The following IGSF10 variants were observed in gnomAD, a reference collection of about 807,000 sequenced individuals.
IGSF10 encodes the protein immunoglobulin superfamily member 10, also known as calvaria mechanical force protein 608.
IGSF10 carries 126 observed loss-of-function variants against 128.2 expected under a neutral mutation model. That is an observed-to-expected ratio of 0.98 (90% CI 0.85 to 1.14). The LOEUF (loss-of-function observed/expected upper bound fraction) is 1.14, where lower values mean the gene tolerates loss of function less well. Ranked by LOEUF, IGSF10 falls within the 50% of genes most tolerant of loss-of-function variation. The pLI is 0.00. For missense variants in IGSF10, 3,295 were observed against 3,149.8 expected (o/e 1.05, Z -1.10); for synonymous variants, 1,185 against 1,146.2 (o/e 1.03, Z -0.68).
the IGSF10 span, among the ~76,000 whole-genome samples, chr3:151,528,850 C>T: frequency 1.4e-3 from 216 of 149,450 alleles, no homozygotes; most frequent in Non-Finnish European, 2.8e-3. Context: ...GCTAGTGAGA[C>T]AGAACTGTTC....
the IGSF10 span, among the ~76,000 whole-genome samples, chr3:151,600,272 A>G: frequency 6.6e-6 from 1 of 152,168 alleles, no homozygotes; most frequent in Non-Finnish European, 1.5e-5. Flanking sequence ...TTTGAAAAAA[A>G]TCTCAACAGT....
At chr3:151,505,666 G>A in the IGSF10 span, among the ~76,000 whole-genome samples, 6 of 152,156 alleles carry the variant, frequency 3.9e-5, no homozygotes, top group East Asian at 1.2e-3. Flanking sequence ...CATTGCAAAT[G>A]AACAACACTG....
chr3:151,598,070 G>GGGGT, the IGSF10 span, among the ~76,000 whole-genome samples: 1 of 137,686 alleles, frequency 7.3e-6, no homozygotes, highest in Non-Finnish European at 1.6e-5. Context: ...AATGAGTACT[G>GGGGT]GTGTGTGTGT....
the IGSF10 span, among the ~76,000 whole-genome samples, chr3:151,468,199 G>A: frequency 1.3e-5 from 2 of 152,224 alleles, no homozygotes; most frequent in Admixed American, 6.5e-5. Flanking sequence ...GGAAGTTACA[G>A]ATATGACTGA....
the IGSF10 span, among the ~76,000 whole-genome samples, chr3:151,610,513 T>C: frequency 6.6e-6 from 1 of 152,210 alleles, no homozygotes; most frequent in East Asian, 1.9e-4. Context: ...GATTCTTTTT[T>C]AATGATCATT....
chr3:151,460,733 GTT>G (rs201403882), intron 1 of IGSF10, among the ~76,000 whole-genome samples: 4 of 142,856 alleles, frequency 2.8e-5, no homozygotes, highest in African/African-American at 2.5e-5. Context: ...CTCAGTGTGT[GTT>G]TTTTTTTTTT....
chr3:151,447,346 A>C lies in IGSF10; in HGVS notation c.2635T>G (p.Ser879Ala). ...TTGGTTGTGCCTTGTATTTGGCTTG[A>C]CATGGTTGGGTTTATATTCTTTGAC... ...AMSKNINPTM[S>A]SQIQGTTNQH... The change falls in exon 6 of 8, where the codon TCA (serine) becomes GCA (alanine). Residue 879 changes from serine to alanine, a missense_variant. Physicochemically the swap from Ser to Ala is moderately conservative, Grantham distance 99 (BLOSUM62 1). Transcript: ENST00000282466. The C allele has an allele frequency of 6.2e-7, 1 of 1,614,204 alleles. No homozygotes were observed.
chr3:151,448,150 C>T lies in IGSF10; in HGVS notation c.1831G>A (p.Gly611Arg). The T allele has an allele frequency of 6.2e-7, 1 of 1,614,124 alleles. No individual in the cohort carries two copies. The highest frequency in any genetic ancestry group is 1.1e-5 in the South Asian group (1 of 91,066). The change falls in exon 6 of 8, where the codon GGA becomes AGA. Residue 611 changes from glycine (G) to arginine (R), a missense_variant. Coordinates refer to ENST00000282466, the MANE Select transcript of IGSF10 (RefSeq NM_178822.5). ...GATGACTGATAGAGCACATTGTTTC[C>T]TGGAATAACCCAGCTAATAGAGGCA... is the stretch of plus-strand genomic sequence containing the variant. The part of the protein sequence containing the change: ...PDASISWVIP[G>R]NNVLYQSSRD...
the IGSF10 span, among the ~76,000 whole-genome samples, chr3:151,590,556 G>A: frequency 6.6e-6 from 1 of 152,140 alleles, no homozygotes; most frequent in Admixed American, 6.5e-5. Context: ...AATACCTCAA[G>A]TAAAAAAGAT....
At chr3:151,442,958 A>C (rs773641669) in intron 7 of IGSF10, 26 bp downstream of exon 7, 1 of 1,584,572 alleles carries the variant, frequency 6.3e-7, no homozygotes, top group Non-Finnish European at 8.6e-7. Flanking sequence ...AAAGCAGATA[A>C]TTCCAACCCA....
chr3:151,593,208 G>A, the IGSF10 span, among the ~76,000 whole-genome samples: 1 of 151,774 alleles, frequency 6.6e-6, no homozygotes, highest in East Asian at 1.9e-4. Flanking sequence ...ATAGCTCACT[G>A]CAGCCTTGAT....
intron 2 of IGSF10, among the ~76,000 whole-genome samples, chr3:151,459,813 C>T (rs1246364011): frequency 6.6e-6 from 1 of 152,130 alleles, no homozygotes; most frequent in Non-Finnish European, 1.5e-5. Context: ...TAATAAATCC[C>T]ACCGTTCTGT....
the IGSF10 span, among the ~76,000 whole-genome samples, chr3:151,548,594 T>C: frequency 6.6e-5 from 10 of 152,348 alleles, no homozygotes; most frequent in South Asian, 2.1e-3. Flanking sequence ...AGGATTTCAT[T>C]TTTGTTTTTC....
the IGSF10 span, among the ~76,000 whole-genome samples, chr3:151,483,635 T>C: frequency 1.3e-5 from 2 of 152,098 alleles, no homozygotes; most frequent in Non-Finnish European, 2.9e-5. Context: ...CTGGGACTGG[T>C]TGGACAATAG....
rs1455928363 is a variant in IGSF10, at chr3:151,443,503, C to T, written c.5444G>A (p.Arg1815His). ...LVLHNLSIYDRGFYKCVASNP... is the reference protein window; with the variant it reads ...LVLHNLSIYDHGFYKCVASNP... Reference sequence around the variant, plus strand: ...GCTGGCCACACATTTGTAAAAGCCACGGTCATAAATACTGAGATTGTGGAG... The same window carrying T: ...GCTGGCCACACATTTGTAAAAGCCATGGTCATAAATACTGAGATTGTGGAG... Residue 1815 changes from arginine to histidine, a missense_variant, in exon 7 of 8, where the codon CGT becomes CAT. Arg to His is a conservative substitution (Grantham distance 29). Coordinates refer to ENST00000282466, the MANE Select transcript of IGSF10 (RefSeq NM_178822.5). 5.0e-6 allele frequency: 8 copies of T among 1,614,232 alleles called. No homozygotes were observed. The highest frequency in any genetic ancestry group is 3.3e-4 in the Middle Eastern group (2 of 6,062).
At position 151,451,028 on chromosome 3, in the gene IGSF10, A is replaced by G. The variant is rs555857234; in HGVS notation, c.716-1763T>C. 9.2e-5 allele frequency among the ~76,000 whole-genome samples: 14 copies of G among 152,162 alleles called. No individual in the cohort carries two copies. In the South Asian group the frequency reaches 2.9e-3, roughly 32 times the overall value. ...ACTTCTGGCTTAATGAAACCTCATC[A>G]TAGACTATGCTCACACTGTGGCATG... On this transcript the variant is annotated intron_variant, in intron 5 of 7. Coordinates refer to ENST00000282466, the MANE Select transcript of IGSF10 (RefSeq NM_178822.5).
the IGSF10 span, among the ~76,000 whole-genome samples, chr3:151,551,085 G>A: frequency 6.6e-6 from 1 of 152,102 alleles, no homozygotes; most frequent in Non-Finnish European, 1.5e-5. Context: ...TACAAGGTTT[G>A]ACCTTGTCCT....
chr3:151,435,067 T>C (rs927598902), downstream of IGSF10: 7 of 148,850 alleles, frequency 4.7e-5, no homozygotes, highest in Non-Finnish European at 8.9e-5. Context: ...GGTTTCTTTT[T>C]TTTTTTTTTT....
At chr3:151,600,315 A>G in the IGSF10 span, among the ~76,000 whole-genome samples, 565 of 152,214 alleles carry the variant, frequency 3.7e-3, 4 homozygotes, top group Admixed American at 5.8e-3. Flanking sequence ...GTGAATTTCC[A>G]TTTCACTTTG....
Sources: allele counts gnomAD v4.1 joint callset (sites outside exome capture counted in the v4.1 genomes callset), GRCh38; gene constraint gnomAD v4.1.1; transcripts MANE v1.5; gene names NCBI Gene and HGNC (gene_info 2026-07-23, HGNC 2026-07-21).